ST7: variants seen among roughly 807,000 people sequenced by gnomAD.
ST7 encodes suppression of tumorigenicity 7.
A neutral mutation model predicts 78.7 loss-of-function variants in ST7; 28 were observed. The ratio of observed to expected loss-of-function variants is 0.36; its 90% CI spans 0.26 to 0.49. The LOEUF (loss-of-function observed/expected upper bound fraction) is 0.49, where lower values mean the gene tolerates loss of function less well. ST7 is among the 20% of genes least tolerant of loss of function. The pLI, the probability that ST7 is intolerant of heterozygous loss-of-function variation, is 0.99. For synonymous variants in ST7, 247 were observed against 249.6 expected, an observed-to-expected ratio of 0.99 and a Z score of 0.10; for missense variants, 418 against 696.0, an observed-to-expected ratio of 0.60 and a Z score of 4.49.
In ST7 at chr7:117,141,214, T is replaced by C. The variant is rs1262713453; in HGVS notation, c.963+2682T>C. Among the ~76,000 whole-genome samples the C allele has an allele frequency of 2.6e-5, 4 of 152,206 alleles. No individual in the cohort carries two copies. The East Asian group carries it at 7.7e-4, about 29-fold the overall frequency. On this transcript the variant is annotated intron_variant, in intron 9 of 15. Transcript: ENST00000323984. Reference sequence around the variant, plus strand: ...CCATCTTCTCCCCATATGCATGAGTTTAAAACTTTCCTAGAGCAGATTTCA... The same window carrying C: ...CCATCTTCTCCCCATATGCATGAGTCTAAAACTTTCCTAGAGCAGATTTCA...
At chr7:117,069,839 AGGAAC>A (rs1302755536) in intron 1 of ST7, among the ~76,000 whole-genome samples, 1 of 152,230 alleles carries the variant, frequency 6.6e-6, no homozygotes, top group Non-Finnish European at 1.5e-5. Flanking sequence ...AGACAGAGAT[AGGAAC>A]GGATGCCCTT....
chr7:116,972,881 T>TA, intron 1 of ST7: 9 of 1,311,208 alleles, frequency 6.9e-6, no homozygotes, highest in Non-Finnish European at 9.8e-6. Context: ...ATATTGCCCT[T>TA]AACCGCCTCG....
intron 8 of ST7, 197 bp downstream of exon 8, chr7:117,136,432 A>G: frequency 1.6e-6 from 1 of 641,686 alleles, no homozygotes; most frequent in Non-Finnish European, 2.7e-6. Flanking sequence ...ATTGCTGTTT[A>G]TATTCACATT....
chr7:117,106,845 C>T (rs1401161394), intron 2 of ST7, among the ~76,000 whole-genome samples: 1 of 152,084 alleles, frequency 6.6e-6, no homozygotes, highest in Non-Finnish European at 1.5e-5. Context: ...TGGTCTCGAT[C>T]TCCTGACCTC....
chr7:117,118,516 G>A (rs1803089364), intron 2 of ST7: 1 of 152,088 alleles, frequency 6.6e-6, no homozygotes, highest in Non-Finnish European at 1.5e-5. Flanking sequence ...TCCATTCCAG[G>A]GTAGATAATC....
chr7:117,173,595 G>T (rs544575370), intron 10 of ST7: 2 of 152,322 alleles, frequency 1.3e-5, no homozygotes, highest in Non-Finnish European at 2.9e-5. Context: ...TTAGAGTACA[G>T]ACAGCTTTTA....
chr7:117,104,907 C>T (rs1241213993), intron 2 of ST7, among the ~76,000 whole-genome samples: 2 of 152,104 alleles, frequency 1.3e-5, no homozygotes, highest in Non-Finnish European at 2.9e-5. Context: ...TACCCAATAT[C>T]TCAGTGGGGT....
intron 12 of ST7, among the ~76,000 whole-genome samples, chr7:117,191,273 A>G (rs1425140004): frequency 6.6e-6 from 1 of 152,332 alleles, no homozygotes; most frequent in East Asian, 1.9e-4. Flanking sequence ...CATAGACCAA[A>G]CTCAGGAAAT....
At chr7:117,145,790 T>C (rs1805735341) in intron 9 of ST7, among the ~76,000 whole-genome samples, 1 of 152,190 alleles carries the variant, frequency 6.6e-6, no homozygotes, top group South Asian at 2.1e-4. Context: ...AAAATACAGA[T>C]ACCCTGTATA....
chr7:117,224,067 G>C (rs191907440), intron 15 of ST7, among the ~76,000 whole-genome samples: 2 of 152,134 alleles, frequency 1.3e-5, no homozygotes, highest in Non-Finnish European at 2.9e-5. Flanking sequence ...AGGTCACCTA[G>C]ACTCATCTTG....
chr7:117,119,502 G>C, intron 2 of ST7, 59 bp from the exon 3 acceptor site: 1 of 1,478,244 alleles, frequency 6.8e-7, no homozygotes, highest in East Asian at 2.4e-5. Context: ...TTATGGGCAT[G>C]TGTACAGAAG....
At chr7:117,216,628 G>A (rs1792708707) in intron 13 of ST7, among the ~76,000 whole-genome samples, 1 of 152,182 alleles carries the variant, frequency 6.6e-6, no homozygotes, top group Non-Finnish European at 1.5e-5. Flanking sequence ...CAAGGCTTGT[G>A]CAGTGCCTCT....
chr7:117,228,147 T>C (rs1421274708), intron 15 of ST7, among the ~76,000 whole-genome samples: 1 of 152,210 alleles, frequency 6.6e-6, no homozygotes, highest in Admixed American at 6.5e-5. Context: ...ATCTCTCTCT[T>C]TTGATATTCC....
chr7:117,105,559 G>A (rs767903181), intron 2 of ST7, among the ~76,000 whole-genome samples: 1 of 152,220 alleles, frequency 6.6e-6, no homozygotes. Context: ...TGGGATTACA[G>A]GCGTGAGCCA....
chr7:117,079,166 A>T (rs1396502177), intron 1 of ST7, among the ~76,000 whole-genome samples: 1 of 152,260 alleles, frequency 6.6e-6, no homozygotes, highest in Non-Finnish European at 1.5e-5. Flanking sequence ...ACAATAGAGT[A>T]AAACAATAGA....
intron 9 of ST7, among the ~76,000 whole-genome samples, chr7:117,152,758 A>C (rs1490806363): frequency 6.6e-6 from 1 of 152,196 alleles, no homozygotes; most frequent in African/African-American, 2.4e-5. Context: ...ATTAATAAAT[A>C]ACTCCATCTG....
At chr7:116,976,619 A>G (rs1352663816) in intron 1 of ST7, among the ~76,000 whole-genome samples, 1 of 152,258 alleles carries the variant, frequency 6.6e-6, no homozygotes, top group Non-Finnish European at 1.5e-5. Flanking sequence ...CATGGACCCC[A>G]GCTTGTCACA....
chr7:117,009,323 G>T (rs1484030201), intron 1 of ST7, among the ~76,000 whole-genome samples: 1 of 100,742 alleles, frequency 9.9e-6, no homozygotes, highest in African/African-American at 3.6e-5. Context: ...TATTTTTTAT[G>T]ACTTTCTTTG....
intron 12 of ST7, among the ~76,000 whole-genome samples, chr7:117,194,703 T>C (rs1810121816): frequency 6.6e-6 from 1 of 152,268 alleles, no homozygotes. Context: ...ACCACGGTTC[T>C]ATACCTTCAT....
Sources: allele counts gnomAD v4.1 joint callset (sites outside exome capture counted in the v4.1 genomes callset), GRCh38; gene constraint gnomAD v4.1.1; transcripts MANE v1.5; gene names NCBI Gene and HGNC (gene_info 2026-07-23, HGNC 2026-07-21).